Variants in HS6ST2 observed in about 807,000 individuals in gnomAD.
HS6ST2 encodes the protein heparan-sulfate 6-O-sulfotransferase 2.
Under a neutral mutation model 33.0 loss-of-function variants are expected in HS6ST2, and 17 were observed. The observed-to-expected ratio is 0.52, with a 90% confidence interval of 0.35 to 0.77. HS6ST2 has a LOEUF of 0.77. HS6ST2 is among the 30% of genes least tolerant of loss of function. HS6ST2 has a pLI of 0.01. For synonymous variants in HS6ST2, 248 were observed against 237.1 expected (o/e 1.05, Z -0.42); for missense variants, 519 against 551.7 (o/e 0.94, Z 0.59).
At chrX:132,639,979 C>T (rs1317933367) in intron 4 of HS6ST2, among the ~76,000 whole-genome samples, 1 of 112,094 alleles carries the variant, frequency 8.9e-6, no homozygotes, top group Non-Finnish European at 1.9e-5. Context: ...CTGGTACTTT[C>T]ATGAAACTCA....
At chrX:132,714,344 C>A (rs986680374) in intron 2 of HS6ST2, among the ~76,000 whole-genome samples, 1 of 110,261 alleles carries the variant, frequency 9.1e-6, no homozygotes, top group African/African-American at 3.3e-5. Flanking sequence ...TAGAGGGAGT[C>A]TCCCTCTGTT....
intron 4 of HS6ST2, among the ~76,000 whole-genome samples, chrX:132,654,610 T>C (rs993695566): frequency 4.4e-5 from 5 of 112,445 alleles, no homozygotes; most frequent in Admixed American, 9.4e-5. Context: ...TTTAGAACTT[T>C]TTCACATATC....
chrX:132,862,616 A>T (rs1032322740), intron 2 of HS6ST2, among the ~76,000 whole-genome samples: 1 of 112,569 alleles, frequency 8.9e-6, no homozygotes, highest in Non-Finnish European at 1.9e-5. Context: ...AAACAAAATT[A>T]AAACTTTAGT....
rs188207839 is a variant in HS6ST2, at chrX:132,717,203, C to T, written c.948-8709G>A. Among the ~76,000 whole-genome samples the T allele has an allele frequency of 8.0e-5, 9 of 113,109 alleles. No individual in the cohort carries two copies. In the East Asian group the frequency reaches 2.5e-3, roughly 31 times the overall value. Reference sequence around the variant, plus strand: ...TTCAGCAAAGGAGCTTAGGTCGCTGCTGAAGTCAAGGCATGGTGGGAACCA... The same window carrying T: ...TTCAGCAAAGGAGCTTAGGTCGCTGTTGAAGTCAAGGCATGGTGGGAACCA... On this transcript the variant is annotated intron_variant, in intron 2 of 4. Transcript: ENST00000370833.
At chrX:132,895,808 C>T (rs1040397841) in intron 2 of HS6ST2, among the ~76,000 whole-genome samples, 2 of 110,340 alleles carry the variant, frequency 1.8e-5, no homozygotes, top group Admixed American at 9.8e-5. Context: ...TGTTGCCTTA[C>T]ATCTTATCAA....
chrX:132,861,410 T>C (rs2065909521), intron 2 of HS6ST2, among the ~76,000 whole-genome samples: 1 of 111,930 alleles, frequency 8.9e-6, no homozygotes, highest in Non-Finnish European at 1.9e-5. Context: ...GAATTTTCCT[T>C]AGGATTTTTT....
At chrX:132,827,131 G>T (rs1362862709) in intron 2 of HS6ST2, among the ~76,000 whole-genome samples, 2 of 111,610 alleles carry the variant, frequency 1.8e-5, no homozygotes, top group African/African-American at 6.5e-5. Context: ...CCATTGATAA[G>T]AAATCACTCA....
chrX:132,729,673 A>G (rs929071241), intron 2 of HS6ST2, among the ~76,000 whole-genome samples: 1 of 111,920 alleles, frequency 8.9e-6, no homozygotes, highest in African/African-American at 3.2e-5. Context: ...ATTTTTTTTT[A>G]CTTTGGAAAT....
Position 132,858,229 on chromosome X carries a change from ACACTGAGAGC to A in HS6ST2, c.947+98569_947+98578del, listed in dbSNP as rs1484617716. ...AGGGTGACTCACCACCAAATGTTAT[ACACTGAGAGC>A]CAAATAAATGGTGTGTATGTCAACC... On this transcript the variant is annotated intron_variant, in intron 2 of 4. Coordinates refer to ENST00000370833, the MANE Select transcript of HS6ST2 (RefSeq NM_001394073.1). Among the ~76,000 whole-genome samples the A allele has an allele frequency of 6.2e-5, 7 of 112,074 alleles. No individual in the cohort carries two copies. In the South Asian group the frequency reaches 2.3e-3, roughly 36 times the overall value.
At chrX:132,738,030 T>C (rs777525441) in intron 2 of HS6ST2, among the ~76,000 whole-genome samples, 71 of 112,604 alleles carry the variant, frequency 6.3e-4, no homozygotes, top group African/African-American at 2.2e-3. Context: ...CCAGAGCAGG[T>C]TTCTGACCTA....
chrX:132,685,201 GGATT>G, intron 3 of HS6ST2, among the ~76,000 whole-genome samples: 1 of 111,656 alleles, frequency 9.0e-6, no homozygotes, highest in Middle Eastern at 4.6e-3. Flanking sequence ...ATTTGCTTCT[GGATT>G]AAATATACTA....
At chrX:132,642,069 A>G (rs1201256550) in intron 4 of HS6ST2, among the ~76,000 whole-genome samples, 1 of 111,779 alleles carries the variant, frequency 8.9e-6, no homozygotes, top group African/African-American at 3.3e-5. Flanking sequence ...ATCCAGAGAC[A>G]CACAGAATCA....
At chrX:132,630,429 C>T (rs890576083) in intron 4 of HS6ST2, among the ~76,000 whole-genome samples, 6 of 111,307 alleles carry the variant, frequency 5.4e-5, no homozygotes, top group African/African-American at 2.0e-4. Flanking sequence ...GCTTCCATCA[C>T]CTCAGGCATC....
intron 2 of HS6ST2, among the ~76,000 whole-genome samples, chrX:132,834,513 G>C (rs1197408324): frequency 8.9e-6 from 1 of 112,203 alleles, no homozygotes; most frequent in Non-Finnish European, 1.9e-5. Flanking sequence ...CAAGGCTCAG[G>C]AAATTGCACT....
chrX:132,923,081 A>AG (rs2066671829), intron 2 of HS6ST2, among the ~76,000 whole-genome samples: 1 of 108,750 alleles, frequency 9.2e-6, no homozygotes, highest in African/African-American at 3.3e-5. Flanking sequence ...AAAAAAAAAA[A>AG]AAAATTCTGG....
intron 3 of HS6ST2, among the ~76,000 whole-genome samples, chrX:132,702,386 C>T (rs1018413972): frequency 1.2e-4 from 13 of 112,277 alleles, no homozygotes; most frequent in Non-Finnish European, 2.4e-4. Flanking sequence ...GATTAGCATC[C>T]ATTTATATTC....
At chrX:132,861,846 T>C (rs1316550561) in intron 2 of HS6ST2, among the ~76,000 whole-genome samples, 1 of 112,149 alleles carries the variant, frequency 8.9e-6, no homozygotes, top group African/African-American at 3.2e-5. Flanking sequence ...ATCCTTTTTA[T>C]TCTATGTATA....
rs752440522 is a variant in HS6ST2 at position 132,847,538 on chromosome X, T to A, written c.947+109270A>T. Among the ~76,000 whole-genome samples, 3 of 111,586 alleles carry A rather than the reference T, an allele frequency of 2.7e-5. No homozygotes were observed. The South Asian group carries it at 1.2e-3, about 43-fold the overall frequency. On this transcript the variant is annotated intron_variant, in intron 2 of 4. Coordinates refer to ENST00000370833, the MANE Select transcript of HS6ST2 (RefSeq NM_001394073.1). ...AATAGGAATCTCTAGTATGGTGAGA[T>A]CACCAAAAGAACTAACAGAATCTTG...
intron 3 of HS6ST2, among the ~76,000 whole-genome samples, chrX:132,686,792 G>T (rs1292262643): frequency 1.8e-5 from 2 of 111,672 alleles, no homozygotes; most frequent in Admixed American, 9.5e-5. Context: ...GATGATTCTG[G>T]TGCTATACTC....
Sources: gnomAD v4.1 joint callset for allele counts (sites outside exome capture counted in the v4.1 genomes callset) on GRCh38, gnomAD v4.1.1 for gene constraint, MANE v1.5 for transcripts, NCBI Gene and HGNC (gene_info 2026-07-23, HGNC 2026-07-21) for gene names.